CSDC2: variants seen among roughly 807,000 people sequenced by gnomAD.
The protein encoded by CSDC2 is cold shock domain-containing protein C2.
In CSDC2, 8 loss-of-function variants were observed where a neutral mutation model predicts 15.8. The ratio of observed to expected loss-of-function variants is 0.51; its 90% confidence interval spans 0.30 to 0.92. CSDC2 has a LOEUF of 0.92. Ranked by LOEUF, CSDC2 falls within the 40% of genes least tolerant of loss-of-function variation. The pLI is 0.07. For synonymous variants in CSDC2, 96 were observed against 92.3 expected, an observed-to-expected ratio of 1.04 and a Z score of -0.23; for missense variants, 195 against 213.3, an observed-to-expected ratio of 0.91 and a Z score of 0.53.
At chr22:41,567,386 T>C (rs1037715963) in intron 1 of CSDC2, among the ~76,000 whole-genome samples, 2 of 152,238 alleles carry the variant, frequency 1.3e-5, no homozygotes, top group Non-Finnish European at 2.9e-5. Context: ...TAATTTCAAC[T>C]CTATAGGGTA....
Position 41,571,888 on chromosome 22 carries a change from C to A in CSDC2, c.-78C>A. ...GGCCGCAGAGCAGGGCCAGGCCGGG[C>A]CCTGCCCGCAAGGACGACCAAACCC... is the stretch of plus-strand genomic sequence containing the variant. On this transcript the variant is annotated 5_prime_UTR_variant, in exon 2 of 4. Coordinates refer to ENST00000306149, the MANE Select transcript of CSDC2 (RefSeq NM_014460.4). 9.9e-7 allele frequency: 1 copy of A among 1,006,678 alleles called. No homozygotes were observed. The allele number at this position is 1,006,678 out of a possible 1,614,324, so 62.4% of individuals were successfully genotyped here. A position where few individuals can be genotyped will look rare whatever the true frequency, so the allele number is the denominator to read the frequency against.
In CSDC2 at chr22:41,574,979, C is replaced by A; in HGVS notation, c.*84C>A. The A allele has an allele frequency of 6.8e-7, 1 of 1,466,236 alleles. No homozygotes were observed. The allele number at this position is 1,466,236 out of a possible 1,614,324, so 90.8% of individuals were successfully genotyped here. ...CAGCAGCCGGCTCCATGCCCCACTG[C>A]CCTGGCTGATGAGTCCTTCGGTGGC... is the stretch of plus-strand genomic sequence containing the variant. On this transcript the variant is annotated 3_prime_UTR_variant, in exon 4 of 4. Transcript: ENST00000306149.
intron 3 of CSDC2, 46 bp downstream of exon 3, chr22:41,573,823 C>T: frequency 6.4e-7 from 1 of 1,574,644 alleles, no homozygotes; most frequent in Non-Finnish European, 8.7e-7. Context: ...CCCTAGTGTC[C>T]CCAATGGTGC....
At position 41,575,162 on chromosome 22, in the gene CSDC2, C is replaced by A. The variant is rs559898626; in HGVS notation, c.*267C>A. On this transcript the variant is annotated 3_prime_UTR_variant, in exon 4 of 4. Coordinates refer to ENST00000306149, the MANE Select transcript of CSDC2 (RefSeq NM_014460.4). ...CGCGCTGTCCACTGCCTCTCTCCTC[C>A]CCTCCCTGCCGCAGACACGCAGGAC... 2 of 525,360 alleles carry A rather than the reference C, an allele frequency of 3.8e-6. No individual in the cohort carries two copies. The highest frequency in any genetic ancestry group is 1.9e-5 in the African/African-American group (1 of 52,290). The allele number at this position is 525,360 out of a possible 1,614,324, so 32.5% of individuals were successfully genotyped here.
In CSDC2 at chr22:41,575,666, C is replaced by T. The variant is rs2067171586; in HGVS notation, c.*771C>T. ...AGAGGGTGGGGGTCCATCTCTCCAG[C>T]TTGGCTGCAGACCTCCTTTACCCTG... On this transcript the variant is annotated 3_prime_UTR_variant, in exon 4 of 4. Transcript: ENST00000306149. 6.6e-6 allele frequency: 1 copy of T among 152,618 alleles called. No individual in the cohort carries two copies. Among genetic ancestry groups the T allele is most frequent in the Non-Finnish European group, 1.5e-5 (1 of 68,386 alleles). The allele number at this position is 152,618 out of a possible 1,614,324, so 9.5% of individuals were successfully genotyped here.
chr22:41,566,820 G>A (rs921203025), intron 1 of CSDC2, among the ~76,000 whole-genome samples: 3 of 150,988 alleles, frequency 2.0e-5, no homozygotes, highest in Non-Finnish European at 4.4e-5. Context: ...CCAGCTACTC[G>A]GGAGGCTGAG....
At chr22:41,573,889 T>C (rs1601999262) in intron 3 of CSDC2, 112 bp downstream of exon 3, 1 of 1,361,820 alleles carries the variant, frequency 7.3e-7, no homozygotes, top group Non-Finnish European at 1.0e-6. Flanking sequence ...GTATTCATGG[T>C]GCCTTTTCTG....
In CSDC2 at chr22:41,571,995, T is replaced by C; in HGVS notation, c.30T>C (p.Val10=). ...CTTCAGAGTCGACGTCACCCCCAGT[T>C]GTGCCCCCGCTCCACTCCCCCAAGT... MTSESTSPP[V]VPPLHSPKSP... is the part of the protein sequence containing the mutation. Residue 10 remains valine, a synonymous_variant, in exon 2 of 4, where the codon GTT becomes GTC. Coordinates refer to ENST00000306149, the MANE Select transcript of CSDC2 (RefSeq NM_014460.4). The C allele has an allele frequency of 7.3e-6, 10 of 1,363,998 alleles. No homozygotes were observed. The African/African-American group carries it at 9.1e-5, about 12-fold the overall frequency. The allele number at this position is 1,363,998 out of a possible 1,614,324, so 84.5% of individuals were successfully genotyped here.
At chr22:41,564,372 G>A (rs2067102974) in intron 1 of CSDC2, among the ~76,000 whole-genome samples, 1 of 151,992 alleles carries the variant, frequency 6.6e-6, no homozygotes, top group East Asian at 2.0e-4. Context: ...CCATCCTCCG[G>A]CCTCAGGCCT....
intron 1 of CSDC2, among the ~76,000 whole-genome samples, chr22:41,564,001 G>A (rs1274833097): frequency 2.0e-5 from 3 of 150,800 alleles, no homozygotes; most frequent in Non-Finnish European, 3.0e-5. Flanking sequence ...GGAGAATGGC[G>A]GGAACCTGGG....
intron 1 of CSDC2, among the ~76,000 whole-genome samples, chr22:41,562,538 G>T (rs946227992): frequency 3.3e-5 from 5 of 152,096 alleles, no homozygotes; most frequent in Non-Finnish European, 5.9e-5. Flanking sequence ...TCACGGATGC[G>T]CAGGGGGATT....
chr22:41,572,008 C>T lies in CSDC2; in HGVS notation c.43C>T (p.His15Tyr), dbSNP rs1418885071. 10 of 1,365,708 alleles carry T rather than the reference C, an allele frequency of 7.3e-6. No individual in the cohort carries two copies. Among genetic ancestry groups the T allele is most frequent in the Non-Finnish European group, 9.5e-6 (10 of 1,057,954 alleles). The allele number at this position is 1,365,708 out of a possible 1,614,324, so 84.6% of individuals were successfully genotyped here. ...GTCACCCCCAGTTGTGCCCCCGCTC[C>T]ACTCCCCCAAGTCCCCAGTCTGGCC... is the stretch of plus-strand genomic sequence containing the variant. ...STSPPVVPPL[H>Y]SPKSPVWPTF... Residue 15 changes from histidine (H) to tyrosine (Y), a missense_variant, in exon 2 of 4, where the codon CAC becomes TAC. Coordinates refer to ENST00000306149, the MANE Select transcript of CSDC2 (RefSeq NM_014460.4).
chr22:41,569,017 C>A (rs1345577446), intron 1 of CSDC2, among the ~76,000 whole-genome samples: 3 of 152,268 alleles, frequency 2.0e-5, no homozygotes, highest in African/African-American at 4.8e-5. Context: ...TCCCTCCCTG[C>A]CCCTCCATGG....
Position 41,561,106 on chromosome 22 carries a change from G to T in CSDC2, c.-201G>T. 1 of 151,510 alleles carries T rather than the reference G, an allele frequency of 6.6e-6. No homozygotes were observed. Among genetic ancestry groups the T allele is most frequent in the Non-Finnish European group, 1.4e-5 (1 of 69,332 alleles). 9.4% of individuals were successfully genotyped at this position (151,510 alleles called of 1,614,324 possible). A position where few individuals can be genotyped will look rare whatever the true frequency, so the allele number is the denominator to read the frequency against. On this transcript the variant is annotated 5_prime_UTR_variant, in exon 1 of 4. Coordinates refer to ENST00000306149, the MANE Select transcript of CSDC2 (RefSeq NM_014460.4). ...CATCTTCCAGACCCATCCCCTGCCTGCCAGCTCCACGAGCCAGAGAGAGAC... is the reference window on the plus strand; with the variant it reads ...CATCTTCCAGACCCATCCCCTGCCTTCCAGCTCCACGAGCCAGAGAGAGAC...
chr22:41,564,087 TA>T (rs57009120), intron 1 of CSDC2, among the ~76,000 whole-genome samples: 491 of 125,882 alleles, frequency 3.9e-3, no homozygotes, highest in African/African-American at 3.7e-3. Flanking sequence ...CCATCTCAAT[TA>T]AAAAAAAAAA....
chr22:41,572,831 C>G lies in CSDC2; in HGVS notation c.176+690C>G, dbSNP rs146961484. 7.2e-5 allele frequency among the ~76,000 whole-genome samples: 11 copies of G among 152,220 alleles called. No individual in the cohort carries two copies. In the East Asian group the frequency reaches 2.1e-3, roughly 29 times the overall value. On this transcript the variant is annotated intron_variant, in intron 2 of 3. Transcript: ENST00000306149. ...GGCCTGGGCCTTTGGGGTAGGTCAC[C>G]GATGAGGTGGCATAGGGGAGTAATA...
intron 1 of CSDC2, among the ~76,000 whole-genome samples, chr22:41,561,801 G>C (rs778022740): frequency 3.9e-5 from 6 of 152,216 alleles, no homozygotes; most frequent in Non-Finnish European, 7.4e-5. Context: ...CTGCTGGTCT[G>C]CTCTGACCTC....
At chr22:41,572,530 A>G (rs944945684) in intron 2 of CSDC2, among the ~76,000 whole-genome samples, 3 of 151,900 alleles carry the variant, frequency 2.0e-5, no homozygotes, top group African/African-American at 4.8e-5. Context: ...TCATCTATCC[A>G]TCTATTCCAC....
chr22:41,561,433 G>T (rs1314908808), intron 1 of CSDC2, among the ~76,000 whole-genome samples: 1 of 152,208 alleles, frequency 6.6e-6, no homozygotes, highest in African/African-American at 2.4e-5. Flanking sequence ...CTGTGTCTGG[G>T]ACCTGCGTCT....
Sources: gnomAD v4.1 joint callset for allele counts (sites outside exome capture counted in the v4.1 genomes callset) on GRCh38, gnomAD v4.1.1 for gene constraint, MANE v1.5 for transcripts, NCBI Gene and HGNC (gene_info 2026-07-23, HGNC 2026-07-21) for gene names.